CNTNAP2: variants seen among roughly 807,000 people sequenced by gnomAD.
CNTNAP2 encodes contactin-associated protein-like 2.
CNTNAP2 carries 98 observed loss-of-function variants against 155.2 expected under a neutral mutation model. That is an observed-to-expected ratio of 0.63 (90% CI 0.54 to 0.75). The LOEUF is 0.75. Among genes scored for constraint, CNTNAP2 ranks in the 30% least tolerant of loss-of-function variants. The pLI is 0.00. For missense variants in CNTNAP2, 1,727 were observed against 1,688.1 expected (o/e 1.02, Z -0.40); for synonymous variants, 651 against 631.2 (o/e 1.03, Z -0.47).
chr7:146,540,470 A>G (rs1294487242), intron 1 of CNTNAP2, among the ~76,000 whole-genome samples: 2 of 152,098 alleles, frequency 1.3e-5, no homozygotes, highest in Admixed American at 1.3e-4. Context: ...GATAACAGAA[A>G]GAAGTATTAC....
At chr7:147,304,896 G>T (rs192842299) in intron 9 of CNTNAP2, among the ~76,000 whole-genome samples, 1 of 152,138 alleles carries the variant, frequency 6.6e-6, no homozygotes, top group African/African-American at 2.4e-5. Context: ...CAGATTCCAC[G>T]TCTGCTGAGG....
intron 3 of CNTNAP2, among the ~76,000 whole-genome samples, chr7:146,883,688 A>G (rs1046588020): frequency 1.3e-5 from 2 of 152,178 alleles, no homozygotes; most frequent in Non-Finnish European, 2.9e-5. Context: ...TTAGGTTATA[A>G]TAAATGTACT....
rs561553570 is a variant in CNTNAP2 at position 146,470,526 on chromosome 7, G to A, written c.98-303745G>A. 1.7e-3 allele frequency among the ~76,000 whole-genome samples: 252 copies of A among 151,904 alleles called. 1 individual carries two copies. Among genetic ancestry groups the A allele is most frequent in the African/African-American group, 5.7e-3 (238 of 41,448 alleles). ...TGAATGAATCTTTCTAATTTTTCTT[G>A]GTTGTGTTTCTTGCTATCCCTAACT... On this transcript the variant is annotated intron_variant, in intron 1 of 23. Coordinates refer to ENST00000361727, the MANE Select transcript of CNTNAP2 (RefSeq NM_014141.6).
intron 21 of CNTNAP2, among the ~76,000 whole-genome samples, chr7:148,347,733 C>A (rs1184739619): frequency 6.6e-6 from 1 of 152,138 alleles, no homozygotes; most frequent in East Asian, 1.9e-4. Context: ...GCTCAGAGAC[C>A]AACATAGAGA....
At chr7:147,970,386 A>C (rs1375818340) in intron 14 of CNTNAP2, among the ~76,000 whole-genome samples, 1 of 152,176 alleles carries the variant, frequency 6.6e-6, no homozygotes, top group Non-Finnish European at 1.5e-5. Flanking sequence ...TGCTATGGAA[A>C]AAGTACAGTG....
chr7:147,036,774 A>G (rs1015489359), intron 3 of CNTNAP2, among the ~76,000 whole-genome samples: 2 of 152,170 alleles, frequency 1.3e-5, no homozygotes, highest in Non-Finnish European at 2.9e-5. Context: ...GAAAGATTCA[A>G]CTTTGCTTTA....
chr7:146,350,709 G>T (rs980880995), intron 1 of CNTNAP2, among the ~76,000 whole-genome samples: 1 of 151,972 alleles, frequency 6.6e-6, no homozygotes, highest in Non-Finnish European at 1.5e-5. Flanking sequence ...AAATCATGCT[G>T]CTATAAAGAC....
intron 1 of CNTNAP2, among the ~76,000 whole-genome samples, chr7:146,425,161 T>G (rs771970226): frequency 2.0e-5 from 3 of 152,186 alleles, no homozygotes; most frequent in Non-Finnish European, 4.4e-5. Flanking sequence ...AAATGATGTT[T>G]TTAATTTACC....
At chr7:147,163,454 T>G (rs921449182) in intron 8 of CNTNAP2, among the ~76,000 whole-genome samples, 1 of 152,196 alleles carries the variant, frequency 6.6e-6, no homozygotes, top group Admixed American at 6.6e-5. Flanking sequence ...TGAGTTTTAT[T>G]ATTCTTTTCT....
chr7:146,257,234 T>A (rs955512191), intron 1 of CNTNAP2, among the ~76,000 whole-genome samples: 8 of 152,194 alleles, frequency 5.3e-5, no homozygotes, highest in African/African-American at 1.9e-4. Flanking sequence ...ATGAGAAATA[T>A]ACAGGAGTAC....
Position 147,206,264 on chromosome 7 carries a change from A to T in CNTNAP2, c.1348+73755A>T, listed in dbSNP as rs528303518. Among the ~76,000 whole-genome samples the T allele has an allele frequency of 3.9e-4, 15 of 38,484 alleles. No individual in the cohort carries two copies. The South Asian group carries it at 0.017, about 43-fold the overall frequency. The allele number at this position is 38,484 out of a possible 152,430, so 25.2% of individuals were successfully genotyped here. A position where few individuals can be genotyped will look rare whatever the true frequency, so the allele number is the denominator to read the frequency against. On this transcript the variant is annotated intron_variant, in intron 8 of 23. Coordinates refer to ENST00000361727, the MANE Select transcript of CNTNAP2 (RefSeq NM_014141.6). ...TTAGATTTACTTTTTAAACCTGTAT[A>T]AAAAAAAAAAAAAAGTAGGACCAGG... is the stretch of plus-strand genomic sequence containing the variant.
In CNTNAP2 at chr7:147,643,287, A is replaced by C. The variant is rs1795314718; in HGVS notation, c.2098+3981A>C. 3.3e-5 allele frequency: 5 copies of C among 152,296 alleles called. No individual in the cohort carries two copies. The South Asian group carries it at 1.0e-3, about 32-fold the overall frequency. The allele number at this position is 152,296 out of a possible 1,614,324, so 9.4% of individuals were successfully genotyped here. A position where few individuals can be genotyped will look rare whatever the true frequency, so the allele number is the denominator to read the frequency against. On this transcript the variant is annotated intron_variant, in intron 13 of 23. Transcript: ENST00000361727. ...GCTAAAATAAATTGGCATAATAAAA[A>C]TTTTAAATCCTTCTGATATACCAGT... is the stretch of plus-strand genomic sequence containing the variant.
At chr7:146,858,982 C>G (rs1795045677) in intron 3 of CNTNAP2, among the ~76,000 whole-genome samples, 1 of 152,100 alleles carries the variant, frequency 6.6e-6, no homozygotes, top group Non-Finnish European at 1.5e-5. Flanking sequence ...TTTTACATGA[C>G]ACATCAGGAA....
chr7:147,150,285 T>C (rs1024117785), intron 8 of CNTNAP2, among the ~76,000 whole-genome samples: 18 of 152,196 alleles, frequency 1.2e-4, no homozygotes, highest in East Asian at 9.7e-4. Flanking sequence ...TTTCAAAATT[T>C]GGTAAGAGGA....
At chr7:147,627,947 TA>T (rs779265882) in intron 12 of CNTNAP2, among the ~76,000 whole-genome samples, 3 of 146,942 alleles carry the variant, frequency 2.0e-5, no homozygotes, top group Admixed American at 6.8e-5. Flanking sequence ...AAAAAAAGAA[TA>T]AAAAAGTGAA....
At position 146,837,590 on chromosome 7, in the gene CNTNAP2, C is replaced by G. The variant is rs148714639; in HGVS notation, c.209-2121C>G. ...TCTCTCTGGTTCTAAGACATATTTT[C>G]CTGCTTGTCCAAATGTCTAGTATAT... On this transcript the variant is annotated intron_variant, in intron 2 of 23. Transcript: ENST00000361727. Among the ~76,000 whole-genome samples the G allele has an allele frequency of 6.2e-4, 94 of 152,102 alleles. 1 individual carries two copies. Among genetic ancestry groups the G allele is most frequent in the African/African-American group, 2.1e-3 (86 of 41,516 alleles).
chr7:148,064,509 C>G (rs1803217028), intron 15 of CNTNAP2, among the ~76,000 whole-genome samples: 1 of 151,560 alleles, frequency 6.6e-6, no homozygotes, highest in African/African-American at 2.4e-5. Flanking sequence ...GATTGTATAC[C>G]TAGAAAACCC....
intron 11 of CNTNAP2, among the ~76,000 whole-genome samples, chr7:147,545,445 A>G (rs1799712736): frequency 6.6e-6 from 1 of 152,242 alleles, no homozygotes; most frequent in African/African-American, 2.4e-5. Context: ...TGTGTTAGTT[A>G]TCTATTGCAA....
intron 1 of CNTNAP2, among the ~76,000 whole-genome samples, chr7:146,706,036 T>G (rs1585050339): frequency 6.6e-6 from 1 of 152,172 alleles, no homozygotes; most frequent in African/African-American, 2.4e-5. Flanking sequence ...TTTGTTGTGG[T>G]GGATGTCTTG....
Sources: gnomAD v4.1 joint callset for allele counts (sites outside exome capture counted in the v4.1 genomes callset) on GRCh38, gnomAD v4.1.1 for gene constraint, MANE v1.5 for transcripts, NCBI Gene and HGNC (gene_info 2026-07-23, HGNC 2026-07-21) for gene names.